BACH2: variants seen among roughly 807,000 people sequenced by gnomAD.
BACH2 encodes BACH transcriptional regulator 2.
A neutral mutation model predicts 61.8 loss-of-function variants in BACH2; 5 were observed. That is an observed-to-expected ratio of 0.08 (90% CI 0.04 to 0.17). The LOEUF is 0.17. Among genes scored for constraint, BACH2 ranks in the 10% least tolerant of loss-of-function variants. BACH2 has a pLI of 1.00. For synonymous variants in BACH2, 446 were observed against 440.1 expected, an observed-to-expected ratio of 1.01 and a Z score of -0.17; for missense variants, 824 against 1,091.1, an observed-to-expected ratio of 0.76 and a Z score of 3.45.
chr6:89,972,309 C>T (rs1775407652), intron 6 of BACH2, among the ~76,000 whole-genome samples: 1 of 152,094 alleles, frequency 6.6e-6, no homozygotes, highest in African/African-American at 2.4e-5. Context: ...GAAGTCCAGG[C>T]AAGCACCACT....
At position 89,932,424 on chromosome 6, in the gene BACH2, C is replaced by T; in HGVS notation, c.2510G>A (p.Arg837Lys). ...GCCGAGTCACTAGGTATAATCTTTC[C>T]TGGGCTGTTCGTCAGTTGTACACTT... ...TDKCTTDEQPRKDYT is the reference protein window; with the variant it reads ...TDKCTTDEQPKKDYT The change falls in exon 9 of 9, where the codon AGG becomes AAG. Residue 837 changes from arginine (R) to lysine (K), a missense_variant. Transcript: ENST00000257749. The T allele has an allele frequency of 1.2e-6, 2 of 1,613,644 alleles. No homozygotes were observed. Among genetic ancestry groups the T allele is most frequent in the Non-Finnish European group, 8.5e-7 (1 of 1,179,612 alleles).
At chr6:90,266,597 C>T (rs1440863256) in intron 2 of BACH2, among the ~76,000 whole-genome samples, 3 of 152,094 alleles carry the variant, frequency 2.0e-5, no homozygotes, top group Admixed American at 1.3e-4. Context: ...TACTGATACA[C>T]ACAACAATAC....
intron 4 of BACH2, among the ~76,000 whole-genome samples, chr6:90,176,409 T>C (rs1767985521): frequency 6.6e-6 from 1 of 152,100 alleles, no homozygotes; most frequent in African/African-American, 2.4e-5. Context: ...AAGTGCACAC[T>C]GGGAAGGGGC....
chr6:89,943,345 G>A lies in BACH2; in HGVS notation c.1837-4995C>T, dbSNP rs576295256. 1.6e-4 allele frequency among the ~76,000 whole-genome samples: 25 copies of A among 152,140 alleles called. No individual in the cohort carries two copies. The East Asian group carries it at 2.1e-3, about 13-fold the overall frequency. On this transcript the variant is annotated intron_variant, in intron 7 of 8. Transcript: ENST00000257749. ...ATTTCTCTTCCCTGCCAACAGCCAC[G>A]ACCATTCTTCAGCCTAAACCATCAT...
At chr6:90,208,055 C>T (rs1277680395) in intron 3 of BACH2, among the ~76,000 whole-genome samples, 1 of 151,896 alleles carries the variant, frequency 6.6e-6, no homozygotes, top group African/African-American at 2.4e-5. Flanking sequence ...AAAAAAATAC[C>T]ACATGCGGAT....
chr6:90,146,911 A>G (rs994493158), intron 4 of BACH2, among the ~76,000 whole-genome samples: 4 of 152,220 alleles, frequency 2.6e-5, no homozygotes, highest in African/African-American at 9.6e-5. Context: ...AATGACAGTG[A>G]AGAAATAAAA....
intron 3 of BACH2, among the ~76,000 whole-genome samples, chr6:90,234,438 T>C (rs1204536145): frequency 6.6e-6 from 1 of 152,200 alleles, no homozygotes; most frequent in East Asian, 1.9e-4. Flanking sequence ...GAACCAGAAT[T>C]TCCATGAAGG....
intron 5 of BACH2, among the ~76,000 whole-genome samples, chr6:90,032,789 G>GTCC (rs1440534972): frequency 6.6e-6 from 1 of 152,236 alleles, no homozygotes. Flanking sequence ...CATTGTGGAA[G>GTCC]TCAGTGTGGC....
intron 4 of BACH2, among the ~76,000 whole-genome samples, chr6:90,099,058 T>C (rs1324221378): frequency 1.3e-5 from 2 of 152,220 alleles, no homozygotes; most frequent in East Asian, 1.9e-4. Flanking sequence ...AAACCTGTTT[T>C]TTTTTTCTTT....
intron 5 of BACH2, among the ~76,000 whole-genome samples, chr6:90,046,622 T>C (rs964248571): frequency 3.3e-5 from 5 of 152,212 alleles, no homozygotes; most frequent in Non-Finnish European, 2.9e-5. Flanking sequence ...GCATCCGATT[T>C]TTCTGGGTGA....
At chr6:90,034,899 T>G (rs1779188485) in intron 5 of BACH2, among the ~76,000 whole-genome samples, 1 of 152,130 alleles carries the variant, frequency 6.6e-6, no homozygotes, top group Admixed American at 6.6e-5. Flanking sequence ...CTAGTCCTAC[T>G]ACACACATTT....
chr6:90,163,993 C>T (rs940229938), intron 4 of BACH2, among the ~76,000 whole-genome samples: 5 of 152,036 alleles, frequency 3.3e-5, no homozygotes, highest in Non-Finnish European at 7.4e-5. Flanking sequence ...CCTAACATCA[C>T]AATTAAAAGA....
chr6:90,067,521 C>T (rs1781020515), intron 5 of BACH2, among the ~76,000 whole-genome samples: 1 of 152,094 alleles, frequency 6.6e-6, no homozygotes, highest in Non-Finnish European at 1.5e-5. Flanking sequence ...TGAGGCATGC[C>T]CCTTCCAGGG....
intron 1 of BACH2, among the ~76,000 whole-genome samples, chr6:90,295,926 C>G (rs1772349848): frequency 2.0e-5 from 3 of 152,278 alleles, no homozygotes; most frequent in Middle Eastern, 3.4e-3. Context: ...CGGCTGACAG[C>G]TGAGCGCAAA....
chr6:89,994,182 A>C (rs1323121344), intron 6 of BACH2, among the ~76,000 whole-genome samples: 1 of 152,216 alleles, frequency 6.6e-6, no homozygotes, highest in Non-Finnish European at 1.5e-5. Flanking sequence ...ATGGGAAAGG[A>C]GAGACACCTT....
At chr6:90,101,724 G>A (rs986295033) in intron 4 of BACH2, among the ~76,000 whole-genome samples, 1 of 152,040 alleles carries the variant, frequency 6.6e-6, no homozygotes, top group African/African-American at 2.4e-5. Flanking sequence ...ATTTTGATAG[G>A]GATTGTGTTG....
At chr6:90,087,655 T>C (rs1223343507) in intron 5 of BACH2, among the ~76,000 whole-genome samples, 8 of 152,152 alleles carry the variant, frequency 5.3e-5, no homozygotes, top group Non-Finnish European at 4.4e-5. Flanking sequence ...CTTGAGAACT[T>C]AGAATCTCAC....
chr6:89,983,827 C>T (rs905494210), intron 6 of BACH2, among the ~76,000 whole-genome samples: 1 of 152,136 alleles, frequency 6.6e-6, no homozygotes, highest in Non-Finnish European at 1.5e-5. Context: ...AAAACATATT[C>T]TAGCAGGAGT....
At chr6:90,054,223 A>G (rs1020142491) in intron 5 of BACH2, among the ~76,000 whole-genome samples, 1 of 152,230 alleles carries the variant, frequency 6.6e-6, no homozygotes, top group Admixed American at 6.5e-5. Context: ...GTAGTCAAAG[A>G]AAGCGGTGAC....
Sources: gnomAD v4.1 joint callset for allele counts (sites outside exome capture counted in the v4.1 genomes callset) on GRCh38, gnomAD v4.1.1 for gene constraint, MANE v1.5 for transcripts, NCBI Gene and HGNC (gene_info 2026-07-23, HGNC 2026-07-21) for gene names.